MED27: variants seen among roughly 807,000 people sequenced by gnomAD.
The protein encoded by MED27 is mediator of RNA polymerase II transcription subunit 27.
In MED27, 30 loss-of-function variants were observed where a neutral mutation model predicts 38.2. The observed-to-expected ratio is 0.79, with a 90% confidence interval of 0.59 to 1.07. MED27 has a LOEUF of 1.07. Ranked by LOEUF, MED27 falls within the 50% of genes least tolerant of loss-of-function variation. The pLI, the probability that MED27 is intolerant of heterozygous loss-of-function variation, is 0.00. For missense variants in MED27, 289 were observed against 397.5 expected (o/e 0.73, Z 2.32); for synonymous variants, 122 against 153.5 (o/e 0.79, Z 1.52).
Position 131,892,953 on chromosome 9 carries a change from G to A in MED27, c.681+932C>T, listed in dbSNP as rs543347683. ...ATCCCACGTAGACAACACTTGTGTGGAATGTGGAAATGCTGGGTTACTTGT... is the reference window on the plus strand; with the variant it reads ...ATCCCACGTAGACAACACTTGTGTGAAATGTGGAAATGCTGGGTTACTTGT... On this transcript the variant is annotated intron_variant, in intron 5 of 7. Coordinates refer to ENST00000292035, the MANE Select transcript of MED27 (RefSeq NM_004269.4). Among the ~76,000 whole-genome samples the A allele has an allele frequency of 3.3e-5, 5 of 152,338 alleles. No individual in the cohort carries two copies. In the South Asian group the frequency reaches 8.3e-4, roughly 25 times the overall value.
intron 3 of MED27, among the ~76,000 whole-genome samples, chr9:131,991,449 A>T (rs1196272946): frequency 6.6e-6 from 1 of 152,212 alleles, no homozygotes; most frequent in Non-Finnish European, 1.5e-5. Flanking sequence ...CCCACACCCT[A>T]CAAAGATGTG....
intron 4 of MED27, among the ~76,000 whole-genome samples, chr9:131,894,415 A>G (rs1829792447): frequency 6.6e-6 from 1 of 152,196 alleles, no homozygotes; most frequent in African/African-American, 2.4e-5. Flanking sequence ...ATATGTACAG[A>G]GTACAATATA....
intron 3 of MED27, among the ~76,000 whole-genome samples, chr9:132,005,674 G>A (rs1832342373): frequency 1.3e-5 from 2 of 152,120 alleles, no homozygotes; most frequent in Admixed American, 6.5e-5. Context: ...CCCAATACGG[G>A]TAACCCTTGC....
In MED27 at chr9:132,051,860, C is replaced by T. The variant is rs140166580; in HGVS notation, c.348+25582G>A. ...TATCACATTAAAACCAGAAGAATCC[C>T]GATGGACGAGACTGAGGTGCCAAAA... On this transcript the variant is annotated intron_variant, in intron 2 of 7. Transcript: ENST00000292035. The surrounding 1 kb of genome is among the most constrained non-coding windows in gnomAD (Gnocchi z 4.2). Among the ~76,000 whole-genome samples, 1 of 152,124 alleles carries T rather than the reference C, an allele frequency of 6.6e-6. No individual in the cohort carries two copies. The highest frequency in any genetic ancestry group is 1.5e-5 in the Non-Finnish European group (1 of 68,018).
intron 2 of MED27, among the ~76,000 whole-genome samples, chr9:132,038,997 A>C (rs935287651): frequency 6.6e-6 from 1 of 152,202 alleles, no homozygotes; most frequent in Non-Finnish European, 1.5e-5. Flanking sequence ...TACGACAAGA[A>C]CATGGAGGTC....
intron 4 of MED27, among the ~76,000 whole-genome samples, chr9:131,909,211 T>C (rs1830144230): frequency 6.6e-6 from 1 of 152,198 alleles, no homozygotes; most frequent in South Asian, 2.1e-4. Context: ...GGAGGGGAAA[T>C]ATCACTTCCT....
At chr9:131,995,844 A>G (rs1160397736) in intron 3 of MED27, among the ~76,000 whole-genome samples, 1 of 152,212 alleles carries the variant, frequency 6.6e-6, no homozygotes, top group Non-Finnish European at 1.5e-5. Context: ...GATGCAGTAT[A>G]TGCACTGAAT....
At chr9:132,033,991 G>A (rs533894586) in intron 2 of MED27, among the ~76,000 whole-genome samples, 1 of 152,196 alleles carries the variant, frequency 6.6e-6, no homozygotes, top group African/African-American at 2.4e-5. Flanking sequence ...TATTAAATGC[G>A]AGGCATGTGT....
At chr9:131,973,799 C>T (rs1831541014) in intron 3 of MED27, among the ~76,000 whole-genome samples, 1 of 152,108 alleles carries the variant, frequency 6.6e-6, no homozygotes, top group Non-Finnish European at 1.5e-5. Context: ...GCTCCACCTC[C>T]CGGGTTCACA....
At chr9:131,905,071 G>T (rs924658811) in intron 4 of MED27, among the ~76,000 whole-genome samples, 3 of 152,032 alleles carry the variant, frequency 2.0e-5, no homozygotes, top group African/African-American at 7.3e-5. Flanking sequence ...TGCAGTCTTG[G>T]GAAAAATCCC....
At chr9:131,893,824 C>T (rs976343805) in intron 5 of MED27, 61 bp downstream of exon 5, 108 of 1,193,806 alleles carry the variant, frequency 9.0e-5, no homozygotes, top group Non-Finnish European at 1.1e-4. Context: ...ATCTGGAATT[C>T]GACTACACTT....
intron 4 of MED27, among the ~76,000 whole-genome samples, chr9:131,933,142 A>T (rs1792848525): frequency 6.6e-6 from 1 of 152,228 alleles, no homozygotes; most frequent in South Asian, 2.1e-4. Flanking sequence ...CATATATGAC[A>T]GATTTACAGT....
intron 3 of MED27, among the ~76,000 whole-genome samples, chr9:132,007,159 G>A (rs1020223150): frequency 1.3e-5 from 2 of 152,246 alleles, no homozygotes; most frequent in South Asian, 2.1e-4. Context: ...TCCTGAATGG[G>A]TGGCACTTCC....
intron 3 of MED27, among the ~76,000 whole-genome samples, chr9:131,984,990 T>C (rs1831817848): frequency 6.6e-6 from 1 of 152,204 alleles, no homozygotes; most frequent in Non-Finnish European, 1.5e-5. Flanking sequence ...CTGTTTTATG[T>C]TGTACATAGC....
intron 3 of MED27, among the ~76,000 whole-genome samples, chr9:131,962,622 C>T (rs1831240613): frequency 6.6e-6 from 1 of 151,944 alleles, no homozygotes; most frequent in Non-Finnish European, 1.5e-5. Flanking sequence ...TCATAGTTTA[C>T]ATGTAATCGA....
intron 6 of MED27, among the ~76,000 whole-genome samples, chr9:131,875,242 C>T (rs143626214): frequency 0.019 from 2,898 of 152,110 alleles, 53 homozygotes; most frequent in Non-Finnish European, 0.032. Flanking sequence ...CACTGCTGCG[C>T]GGCTGTAACT....
rs369819198 is a variant in MED27 at position 132,033,690 on chromosome 9, G to C, written c.349-19223C>G. Among the ~76,000 whole-genome samples the C allele has an allele frequency of 7.2e-5, 11 of 152,280 alleles. No homozygotes were observed. The East Asian group carries it at 1.9e-3, about 27-fold the overall frequency. The stretch of plus-strand genomic sequence containing the variant: ...ACGGAATGCTGCCTTCCTAAACTCC[G>C]GTGTGGATTTGGGCTTTTTGTTTTT... On this transcript the variant is annotated intron_variant, in intron 2 of 7. Transcript: ENST00000292035.
At chr9:132,030,813 A>C (rs1176491904) in intron 2 of MED27, among the ~76,000 whole-genome samples, 1 of 152,234 alleles carries the variant, frequency 6.6e-6, no homozygotes, top group Non-Finnish European at 1.5e-5. Context: ...CTCTCCCCAA[A>C]CCACTAAAAT....
At chr9:132,026,787 AT>A (rs911148649) in intron 2 of MED27, among the ~76,000 whole-genome samples, 14 of 152,316 alleles carry the variant, frequency 9.2e-5, no homozygotes, top group Admixed American at 5.9e-4. Flanking sequence ...AAAAAAAAAA[AT>A]AATAACATTA....
Sources: allele counts gnomAD v4.1 joint callset (sites outside exome capture counted in the v4.1 genomes callset), GRCh38; gene constraint gnomAD v4.1.1; non-coding constraint Gnocchi (gnomAD v3.1); transcripts MANE v1.5; gene names NCBI Gene and HGNC (gene_info 2026-07-23, HGNC 2026-07-21).